ARHGEF33: variants seen among roughly 807,000 people sequenced by gnomAD.
The protein encoded by ARHGEF33 is Rho guanine nucleotide exchange factor 33, also known as DH and coiled-coil domain-containing protein ENSP00000381780.
ARHGEF33 carries 72 observed loss-of-function variants against 101.9 expected under a neutral mutation model. The ratio of observed to expected loss-of-function variants is 0.71; its 90% CI spans 0.58 to 0.86. ARHGEF33 has a LOEUF of 0.86. Ranked by LOEUF, ARHGEF33 falls within the 40% of genes least tolerant of loss-of-function variation. The pLI, the probability that ARHGEF33 is intolerant of heterozygous loss-of-function variation, is 0.00. For missense variants in ARHGEF33, 1,169 were observed against 1,111.3 expected (o/e 1.05, Z -0.74); for synonymous variants, 499 against 442.5 (o/e 1.13, Z -1.60).
intron 2 of ARHGEF33, among the ~76,000 whole-genome samples, chr2:38,918,807 G>A (rs1193666620): frequency 1.3e-5 from 2 of 150,920 alleles, no homozygotes; most frequent in African/African-American, 4.9e-5. Context: ...TTGGGAGGCC[G>A]AGGTTGGAGG....
intron 1 of ARHGEF33, among the ~76,000 whole-genome samples, chr2:38,892,878 T>C (rs1666036544): frequency 6.6e-6 from 1 of 152,144 alleles, no homozygotes; most frequent in Non-Finnish European, 1.5e-5. Flanking sequence ...TTTACTTGAG[T>C]TATTAAAGGT....
rs533551980 is a variant in ARHGEF33 at position 38,901,332 on chromosome 2, C to T, written c.-86+5483C>T. On this transcript the variant is annotated intron_variant, in intron 2 of 17. Transcript: ENST00000409978. Reference sequence around the variant, plus strand: ...TGGTGCCAGGGCAGCTCCTTCATCCCGCTCTAACACCAACTTTAGGCCCAG... The same window carrying T: ...TGGTGCCAGGGCAGCTCCTTCATCCTGCTCTAACACCAACTTTAGGCCCAG... Among the ~76,000 whole-genome samples the T allele has an allele frequency of 6.6e-5, 10 of 152,254 alleles. No individual in the cohort carries two copies. In the South Asian group the frequency reaches 1.0e-3, roughly 16 times the overall value.
chr2:38,921,522 C>G (rs1666756841), intron 4 of ARHGEF33, 99 bp downstream of exon 4: 1 of 815,662 alleles, frequency 1.2e-6, no homozygotes. Context: ...AGTGCTTCCA[C>G]ATATATCGTT....
chr2:38,893,921 G>A (rs1168174975), intron 1 of ARHGEF33, among the ~76,000 whole-genome samples: 1 of 152,182 alleles, frequency 6.6e-6, no homozygotes, highest in Non-Finnish European at 1.5e-5. Flanking sequence ...ACAAACAAGG[G>A]CTGGAGTGAA....
intron 17 of ARHGEF33, among the ~76,000 whole-genome samples, chr2:38,971,431 G>T: frequency 6.6e-6 from 1 of 152,140 alleles, no homozygotes; most frequent in East Asian, 1.9e-4. Flanking sequence ...AGTCGGCCAC[G>T]GTGGCTCCAG....
intron 3 of ARHGEF33, among the ~76,000 whole-genome samples, chr2:38,921,161 AGTATATCAG>A (rs1340913535): frequency 1.3e-5 from 2 of 152,322 alleles, no homozygotes; most frequent in African/African-American, 2.4e-5. Flanking sequence ...CTATTGCAAG[AGTATATCAG>A]GTAGATAATG....
chr2:38,961,067 TTCTG>T (rs1457015524), intron 16 of ARHGEF33, among the ~76,000 whole-genome samples: 1 of 152,194 alleles, frequency 6.6e-6, no homozygotes, highest in African/African-American at 2.4e-5. Flanking sequence ...AGTGTGTTTC[TTCTG>T]TCTGTGAGGT....
chr2:38,898,612 G>A (rs991471285), intron 2 of ARHGEF33, among the ~76,000 whole-genome samples: 3 of 152,146 alleles, frequency 2.0e-5, no homozygotes, highest in Non-Finnish European at 4.4e-5. Flanking sequence ...TATAAAGCCA[G>A]GCTTGCAGAT....
intron 16 of ARHGEF33, among the ~76,000 whole-genome samples, chr2:38,964,381 C>T (rs1012006505): frequency 6.6e-6 from 1 of 151,926 alleles, no homozygotes; most frequent in African/African-American, 2.4e-5. Flanking sequence ...TGTCACTTGC[C>T]ACTTACTGAT....
intron 17 of ARHGEF33, 119 bp from the exon 18 acceptor site, chr2:38,973,595 G>A: frequency 8.7e-7 from 1 of 1,146,960 alleles, no homozygotes; most frequent in Non-Finnish European, 1.2e-6. Context: ...GGAGTAAAAA[G>A]TATTCCAGTT....
chr2:38,963,973 C>T (rs1341274927), intron 16 of ARHGEF33, among the ~76,000 whole-genome samples: 3 of 152,064 alleles, frequency 2.0e-5, no homozygotes, highest in African/African-American at 4.8e-5. Flanking sequence ...GTTATTATTA[C>T]GTTGTAATAT....
chr2:38,917,340 C>T (rs752151801), intron 2 of ARHGEF33, among the ~76,000 whole-genome samples: 8 of 152,106 alleles, frequency 5.3e-5, no homozygotes, highest in Non-Finnish European at 1.2e-4. Context: ...GATCCGCCCA[C>T]CTCAGCCTCC....
At chr2:38,897,242 G>A (rs994137706) in intron 2 of ARHGEF33, among the ~76,000 whole-genome samples, 6 of 152,072 alleles carry the variant, frequency 3.9e-5, no homozygotes, top group Admixed American at 3.3e-4. Context: ...TAGTACACTC[G>A]GCAAGAGAAA....
intron 10 of ARHGEF33, among the ~76,000 whole-genome samples, chr2:38,947,447 C>T (rs779451914): frequency 6.6e-6 from 1 of 152,162 alleles, no homozygotes; most frequent in African/African-American, 2.4e-5. Context: ...AAGGGTGCAG[C>T]GGCCCAGTCA....
intron 4 of ARHGEF33, 82 bp from the exon 5 acceptor site, chr2:38,928,825 A>T (rs374186245): frequency 7.5e-7 from 1 of 1,339,764 alleles, no homozygotes. Context: ...TTGTTTCTCA[A>T]ACAAAAGAAA....
chr2:38,955,480 A>AGTT (rs1667716160), intron 13 of ARHGEF33, among the ~76,000 whole-genome samples: 2 of 34,856 alleles, frequency 5.7e-5, no homozygotes, highest in Non-Finnish European at 1.3e-4. Flanking sequence ...TATTGAAAAG[A>AGTT]CTTTTTTTTT....
intron 10 of ARHGEF33, among the ~76,000 whole-genome samples, chr2:38,947,980 T>G (rs1667494152): frequency 6.6e-6 from 1 of 152,210 alleles, no homozygotes; most frequent in South Asian, 2.1e-4. Context: ...CTTTCTTGCT[T>G]TTAGTGTATT....
At chr2:38,963,705 C>G (rs2124427974) in intron 16 of ARHGEF33, among the ~76,000 whole-genome samples, 2 of 152,234 alleles carry the variant, frequency 1.3e-5, no homozygotes, top group Middle Eastern at 6.8e-3. Flanking sequence ...GGGGTATTAG[C>G]AAATGCATTG....
At chr2:38,956,694 G>A (rs1013298113) in intron 13 of ARHGEF33, among the ~76,000 whole-genome samples, 3 of 152,230 alleles carry the variant, frequency 2.0e-5, no homozygotes, top group African/African-American at 4.8e-5. Flanking sequence ...AAACAGGTAC[G>A]ATAGTGACTT....
Sources: gnomAD v4.1 joint callset for allele counts (sites outside exome capture counted in the v4.1 genomes callset) on GRCh38, gnomAD v4.1.1 for gene constraint, MANE v1.5 for transcripts, NCBI Gene and HGNC (gene_info 2026-07-23, HGNC 2026-07-21) for gene names.